Variants in UBFD1 observed in about 807,000 individuals in gnomAD.
UBFD1 encodes ubiquitin domain-containing protein UBFD1.
UBFD1 carries 12 observed loss-of-function variants against 35.1 expected under a neutral mutation model. The ratio of observed to expected loss-of-function variants is 0.34; its 90% confidence interval spans 0.22 to 0.55. The LOEUF is 0.55. Among genes scored for constraint, UBFD1 ranks in the 20% least tolerant of loss-of-function variants. The pLI is 0.89. For synonymous variants in UBFD1, 178 were observed against 167.6 expected (o/e 1.06, Z -0.48); for missense variants, 337 against 410.8 (o/e 0.82, Z 1.55).
At chr16:23,563,798 A>G (rs1266322017) in intron 5 of UBFD1, among the ~76,000 whole-genome samples, 1 of 152,152 alleles carries the variant, frequency 6.6e-6, no homozygotes, top group African/African-American at 2.4e-5. Context: ...TGAAGCTCCC[A>G]GTGTGCTTTG....
At chr16:23,562,412 G>C (rs1336486042) in intron 4 of UBFD1, 141 bp downstream of exon 4, 2 of 872,356 alleles carry the variant, frequency 2.3e-6, no homozygotes, top group East Asian at 5.3e-5. Context: ...CCCAGGCTGG[G>C]GTGTGCCACC....
At chr16:23,560,346 A>G (rs1280645442) in intron 3 of UBFD1, among the ~76,000 whole-genome samples, 1 of 152,210 alleles carries the variant, frequency 6.6e-6, no homozygotes, top group African/African-American at 2.4e-5. Context: ...AACAGGTTGT[A>G]AGAATCATTA....
intron 2 of UBFD1, 183 bp from the exon 3 acceptor site, chr16:23,559,281 TACTC>T (rs748858011): frequency 4.6e-5 from 26 of 562,040 alleles, no homozygotes; most frequent in Non-Finnish European, 7.7e-5. Flanking sequence ...CAGAAGGACT[TACTC>T]TAATAAATCT....
chr16:23,563,307 C>T (rs753060776), intron 5 of UBFD1, among the ~76,000 whole-genome samples: 4 of 152,014 alleles, frequency 2.6e-5, no homozygotes, highest in African/African-American at 4.8e-5. Flanking sequence ...TTTTCCTAAC[C>T]GCTGCCGAGG....
At chr16:23,562,580 T>C in intron 4 of UBFD1, 45 bp from the exon 5 acceptor site, 1 of 1,589,208 alleles carries the variant, frequency 6.3e-7, no homozygotes. Flanking sequence ...CTTCTCTTTT[T>C]TTCTGACTGT....
intron 5 of UBFD1, chr16:23,564,706 A>G (rs534483240): frequency 6.6e-6 from 1 of 152,366 alleles, no homozygotes; most frequent in Non-Finnish European, 1.5e-5. Context: ...AGGTGCAGGC[A>G]GAGAAGTCTG....
In UBFD1 at chr16:23,558,286, C is replaced by T. The variant is rs766543202; in HGVS notation, c.355+7C>T. 5.0e-5 allele frequency: 80 copies of T among 1,593,152 alleles called. No individual in the cohort carries two copies. The highest frequency in any genetic ancestry group is 6.4e-5 in the Non-Finnish European group (75 of 1,170,716). On this transcript the variant is annotated splice_region_variant and intron_variant, in intron 2 of 6. Transcript: ENST00000395878. ...AAGATCCACTCGATTACAGGTAATT[C>T]CTGTGGCGCTGACAGCCAGTCTTCC... is the stretch of plus-strand genomic sequence containing the variant.
rs201063622 is a variant in UBFD1, at chr16:23,562,614, C to T, written c.631-11C>T. ...GTCCCTCCATCTCTTACCATTCTCT[C>T]GTGCCTTCAGGAGCGCCTGCCAACG... On this transcript the variant is annotated splice_polypyrimidine_tract_variant and intron_variant, in intron 4 of 6. Transcript: ENST00000395878. 317 of 1,612,538 alleles carry T rather than the reference C, an allele frequency of 2.0e-4. No homozygotes were observed. The African/African-American group carries it at 3.5e-3, about 18-fold the overall frequency.
chr16:23,558,996 A>G (rs1965881504), intron 2 of UBFD1: 2 of 152,162 alleles, frequency 1.3e-5, no homozygotes, highest in East Asian at 1.9e-4. Flanking sequence ...TGCTGGGATT[A>G]CAGGCATAAG....
chr16:23,560,668 G>A (rs1306602812), intron 3 of UBFD1, among the ~76,000 whole-genome samples: 2 of 152,074 alleles, frequency 1.3e-5, no homozygotes, highest in Non-Finnish European at 2.9e-5. Flanking sequence ...TTCCTCTTTG[G>A]TGACAAGGTA....
At chr16:23,564,174 C>G (rs1021388890) in intron 5 of UBFD1, 2 of 152,126 alleles carry the variant, frequency 1.3e-5, no homozygotes, top group South Asian at 2.1e-4. Context: ...AGGGACAGAC[C>G]ATTTAGTGAG....
rs1966092541 is a variant in UBFD1, at chr16:23,572,073, G to A, written c.*1483G>A. 1 of 152,624 alleles carries A rather than the reference G, an allele frequency of 6.6e-6. No homozygotes were observed. Among genetic ancestry groups the A allele is most frequent in the South Asian group, 2.1e-4 (1 of 4,830 alleles). The allele number at this position is 152,624 out of a possible 1,614,324, so 9.5% of individuals were successfully genotyped here. A position where few individuals can be genotyped will look rare whatever the true frequency, so the allele number is the denominator to read the frequency against. On this transcript the variant is annotated 3_prime_UTR_variant, in exon 7 of 7. Coordinates refer to ENST00000395878, the MANE Select transcript of UBFD1 (RefSeq NM_019116.3). ...AACGTATTAGCATGTGTTCGCCCAA[G>A]ATGACTATTCCTTGTGAGCCAGTTA...
At chr16:23,569,302 C>G (rs988350792) in intron 6 of UBFD1, 1 of 152,116 alleles carries the variant, frequency 6.6e-6, no homozygotes, top group Non-Finnish European at 1.5e-5. Context: ...ACCTGTAATC[C>G]CAGCACTTTG....
intron 5 of UBFD1, chr16:23,564,229 CA>C (rs759655874): frequency 3.3e-5 from 5 of 152,252 alleles, no homozygotes; most frequent in African/African-American, 1.2e-4. Flanking sequence ...ATAATTGGGG[CA>C]GGGGTGGTGG....
At chr16:23,558,382 A>C in intron 2 of UBFD1, 103 bp downstream of exon 2, 1 of 1,399,512 alleles carries the variant, frequency 7.1e-7, no homozygotes, top group Non-Finnish European at 9.6e-7. Context: ...AGGTCCCCCC[A>C]TCCTTACAGC....
intron 5 of UBFD1, chr16:23,564,180 G>A (rs968851268): frequency 2.6e-5 from 4 of 152,198 alleles, no homozygotes; most frequent in Non-Finnish European, 5.9e-5. Context: ...AGACCATTTA[G>A]TGAGACTCCA....
intron 3 of UBFD1, among the ~76,000 whole-genome samples, chr16:23,560,778 G>C (rs1965920956): frequency 6.6e-6 from 1 of 152,144 alleles, no homozygotes; most frequent in South Asian, 2.1e-4. Context: ...TAGGGTTTCA[G>C]ATAAGGGGTT....
chr16:23,572,439 T>C lies in UBFD1; in HGVS notation c.*1849T>C, dbSNP rs1352616936. 1 of 152,426 alleles carries C rather than the reference T, an allele frequency of 6.6e-6. No individual in the cohort carries two copies. Among genetic ancestry groups the C allele is most frequent in the Non-Finnish European group, 1.5e-5 (1 of 68,074 alleles). 9.4% of individuals were successfully genotyped at this position (152,426 alleles called of 1,614,324 possible). On this transcript the variant is annotated 3_prime_UTR_variant, in exon 7 of 7. Transcript: ENST00000395878. The stretch of plus-strand genomic sequence containing the variant: ...ATGAGATGCATTAAGTAGAACATCA[T>C]CTCGGGTCAGACATTGCCCCTTTTG...
intron 4 of UBFD1, 77 bp downstream of exon 4, chr16:23,562,348 C>G: frequency 7.3e-7 from 1 of 1,367,500 alleles, no homozygotes; most frequent in Non-Finnish European, 1.0e-6. Flanking sequence ...CCAATCCTGT[C>G]CCTTCTCTTT....
Sources: allele counts gnomAD v4.1 joint callset (sites outside exome capture counted in the v4.1 genomes callset), GRCh38; gene constraint gnomAD v4.1.1; transcripts MANE v1.5; gene names NCBI Gene and HGNC (gene_info 2026-07-23, HGNC 2026-07-21).